Variants in SLC35F2 observed in about 807,000 individuals in gnomAD.
The protein encoded by SLC35F2 is solute carrier family 35 member F2, also known as queuine/queuosine transporter SLC35F2.
SLC35F2 carries 25 observed loss-of-function variants against 38.1 expected under a neutral mutation model. The observed-to-expected ratio is 0.66, with a 90% CI of 0.48 to 0.92. SLC35F2 has a LOEUF of 0.92. Among genes scored for constraint, SLC35F2 ranks in the 40% least tolerant of loss-of-function variants. The pLI is 0.00. For missense variants in SLC35F2, 409 were observed against 452.9 expected (o/e 0.90, Z 0.88); for synonymous variants, 173 against 181.7 (o/e 0.95, Z 0.38).
intron 1 of SLC35F2, among the ~76,000 whole-genome samples, chr11:107,843,775 T>C (rs1860049459): frequency 6.9e-6 from 1 of 144,822 alleles, no homozygotes; most frequent in Non-Finnish European, 1.5e-5. Context: ...ATCACTTGAG[T>C]TCAAGGCTGC....
intron 7 of SLC35F2, among the ~76,000 whole-genome samples, chr11:107,797,959 A>T (rs972370943): frequency 4.0e-5 from 6 of 151,614 alleles, no homozygotes; most frequent in African/African-American, 1.5e-4. Flanking sequence ...TGTTTGGAGT[A>T]CTCTAAACTT....
chr11:107,815,861 G>C lies in SLC35F2; in HGVS notation c.215C>G (p.Pro72Arg), dbSNP rs778083315. ...YLAERYKVNTPMLQSFINYCL... is the reference protein window; with the variant it reads ...YLAERYKVNTRMLQSFINYCL... The stretch of plus-strand genomic sequence containing the variant: ...ATAATTGATAAAGCTCTGAAGCATG[G>C]GGGTGTTCACTTTGTATCTTTCTGC... Residue 72 changes from proline to arginine, a missense_variant, in exon 2 of 8, where the codon CCC becomes CGC. By Grantham distance (103) the Pro-to-Arg change is moderately radical (BLOSUM62 -2). Transcript: ENST00000525815. The C allele has an allele frequency of 6.2e-7, 1 of 1,614,012 alleles. No individual in the cohort carries two copies. Among genetic ancestry groups the C allele is most frequent in the South Asian group, 1.1e-5 (1 of 91,070 alleles).
At chr11:107,798,062 G>A (rs12808103) in intron 7 of SLC35F2, among the ~76,000 whole-genome samples, 8,664 of 151,954 alleles carry the variant, frequency 0.057, 297 homozygotes, top group East Asian at 0.15. Context: ...GGAGTGCAGT[G>A]GTGCAGTCTC....
At chr11:107,821,059 C>T (rs113727782) in intron 1 of SLC35F2, among the ~76,000 whole-genome samples, 1 of 152,188 alleles carries the variant, frequency 6.6e-6, no homozygotes, top group African/African-American at 2.4e-5. Flanking sequence ...AGTCACACTG[C>T]TTCCCTGTAC....
At chr11:107,838,552 T>C (rs887377453) in intron 1 of SLC35F2, among the ~76,000 whole-genome samples, 2 of 151,946 alleles carry the variant, frequency 1.3e-5, no homozygotes, top group Middle Eastern at 3.4e-3. Flanking sequence ...CTTGAACTCC[T>C]GACCTCAGGT....
chr11:107,832,167 G>A (rs893101017), intron 1 of SLC35F2, among the ~76,000 whole-genome samples: 6 of 152,140 alleles, frequency 3.9e-5, no homozygotes, highest in African/African-American at 1.4e-4. Context: ...AGCAAGTTTA[G>A]TATGGGTCTA....
At position 107,802,983 on chromosome 11, in the gene SLC35F2, C is replaced by T. The variant is rs17107481; in HGVS notation, c.939+18G>A. 4.3e-3 allele frequency: 6,899 copies of T among 1,587,820 alleles called. 245 individuals are homozygous for T. The African/African-American group carries it at 0.081, about 19-fold the overall frequency. ...ATCCAAGCAAGTATTCTTATTTGAACGTGATCTATTTGTTTACCTTATAGC... is the reference window on the plus strand; with the variant it reads ...ATCCAAGCAAGTATTCTTATTTGAATGTGATCTATTTGTTTACCTTATAGC... On this transcript the variant is annotated intron_variant, in intron 7 of 7. Coordinates refer to ENST00000525815, the MANE Select transcript of SLC35F2 (RefSeq NM_017515.5).
intron 1 of SLC35F2, among the ~76,000 whole-genome samples, chr11:107,819,794 A>G (rs1859640765): frequency 6.6e-6 from 1 of 152,168 alleles, no homozygotes; most frequent in African/African-American, 2.4e-5. Context: ...AATACCTATC[A>G]CAGCTCACAA....
Position 107,792,439 on chromosome 11 carries a change from T to C in SLC35F2, c.*176A>G. On this transcript the variant is annotated 3_prime_UTR_variant, in exon 8 of 8. Coordinates refer to ENST00000525815, the MANE Select transcript of SLC35F2 (RefSeq NM_017515.5). ...CACTCTTAGCTTGGTTTCTGCTCTA[T>C]TTTGGTATTTCTACTTTTGAACTTT... is the stretch of plus-strand genomic sequence containing the variant. 3.0e-6 allele frequency: 2 copies of C among 675,728 alleles called. No individual in the cohort carries two copies. The highest frequency in any genetic ancestry group is 4.7e-6 in the Non-Finnish European group (2 of 423,982). The allele number at this position is 675,728 out of a possible 1,614,324, so 41.9% of individuals were successfully genotyped here. A position where few individuals can be genotyped will look rare whatever the true frequency, so the allele number is the denominator to read the frequency against.
At chr11:107,851,077 A>T (rs533104066) in intron 1 of SLC35F2, among the ~76,000 whole-genome samples, 1 of 151,962 alleles carries the variant, frequency 6.6e-6, no homozygotes, top group Admixed American at 6.6e-5. Context: ...AGCCTGGCCA[A>T]TATGGTGAAA....
At chr11:107,796,893 A>G (rs7935688) in intron 7 of SLC35F2, among the ~76,000 whole-genome samples, 22,856 of 152,018 alleles carry the variant, frequency 0.15, 2,769 homozygotes, top group East Asian at 0.42. Context: ...GGCTGGTCTC[A>G]AACTCTTGAG....
chr11:107,816,072 A>G, intron 1 of SLC35F2, 107 bp from the exon 2 acceptor site: 1 of 1,322,100 alleles, frequency 7.6e-7, no homozygotes, highest in Non-Finnish European at 9.7e-7. Flanking sequence ...ACAAAGGGAA[A>G]TGCTAATTAT....
At position 107,814,523 on chromosome 11, in the gene SLC35F2, T is replaced by C. The variant is rs544814320; in HGVS notation, c.286+1267A>G. On this transcript the variant is annotated intron_variant, in intron 2 of 7. Coordinates refer to ENST00000525815, the MANE Select transcript of SLC35F2 (RefSeq NM_017515.5). ...TTGTGGGGAGGGAGGGAGGAATGAA[T>C]AGGTGGAGCAGAGGGATTTTTAAGG... Among the ~76,000 whole-genome samples, 9 of 150,852 alleles carry C rather than the reference T, an allele frequency of 6.0e-5. No individual in the cohort carries two copies. The East Asian group carries it at 1.8e-3, about 30-fold the overall frequency.
At chr11:107,858,226 C>G (rs951727386) in intron 1 of SLC35F2, among the ~76,000 whole-genome samples, 4 of 152,204 alleles carry the variant, frequency 2.6e-5, no homozygotes, top group Non-Finnish European at 4.4e-5. Context: ...TGAATCACCG[C>G]GCCCAGTCTG....
At chr11:107,805,144 G>GT (rs1429760973) in intron 5 of SLC35F2, 3 of 985,222 alleles carry the variant, frequency 3.0e-6, no homozygotes, top group Non-Finnish European at 3.6e-6. Flanking sequence ...CAACACACAT[G>GT]TTTAAGAAAA....
chr11:107,803,328 T>A (rs1859343460), intron 6 of SLC35F2, 173 bp from the exon 7 acceptor site: 1 of 984,350 alleles, frequency 1.0e-6, no homozygotes, highest in African/African-American at 1.7e-5. Context: ...GAAAAAAGAA[T>A]ATAAATAGCA....
At chr11:107,811,315 A>C in intron 3 of SLC35F2, 2 of 904,300 alleles carry the variant, frequency 2.2e-6, no homozygotes, top group Non-Finnish European at 2.6e-6. Flanking sequence ...GCAAAGCTTC[A>C]ACTTTCCTAT....
At chr11:107,821,425 T>C (rs908023287) in intron 1 of SLC35F2, 25 of 985,008 alleles carry the variant, frequency 2.5e-5, no homozygotes, top group East Asian at 1.1e-4. Flanking sequence ...TCATCTATAA[T>C]AGAGGAGTAG....
At chr11:107,806,599 C>T (rs1295742021) in intron 4 of SLC35F2, 118 bp downstream of exon 4, 1 of 898,684 alleles carries the variant, frequency 1.1e-6, no homozygotes, top group South Asian at 1.4e-5. Flanking sequence ...AAAGTGTTCT[C>T]ACCTACACAG....
Sources: allele counts gnomAD v4.1 joint callset (sites outside exome capture counted in the v4.1 genomes callset), GRCh38; gene constraint gnomAD v4.1.1; transcripts MANE v1.5; gene names NCBI Gene and HGNC (gene_info 2026-07-23, HGNC 2026-07-21).